Variants in PDE6C observed in about 807,000 individuals in gnomAD.
PDE6C encodes cone cGMP-specific 3',5'-cyclic phosphodiesterase subunit alpha'.
In PDE6C, 75 loss-of-function variants were observed where a neutral mutation model predicts 113.1. The ratio of observed to expected loss-of-function variants is 0.66; its 90% CI spans 0.55 to 0.80. The LOEUF is 0.80. Among genes scored for constraint, PDE6C ranks in the 30% least tolerant of loss-of-function variants. PDE6C has a pLI of 0.00. For synonymous variants in PDE6C, 375 were observed against 363.7 expected (o/e 1.03, Z -0.35); for missense variants, 912 against 1,038.6 (o/e 0.88, Z 1.67).
intron 1 of PDE6C, among the ~76,000 whole-genome samples, chr10:93,618,357 G>A (rs2058429989): frequency 6.6e-6 from 1 of 152,036 alleles, no homozygotes; most frequent in South Asian, 2.1e-4. Context: ...GGCAGTAGAT[G>A]GAAGCATTAC....
At position 93,658,961 on chromosome 10, in the gene PDE6C, A is replaced by G. The variant is rs971174973; in HGVS notation, c.2097A>G (p.Glu699=). The G allele has an allele frequency of 9.3e-6, 15 of 1,613,042 alleles. No homozygotes were observed. Among genetic ancestry groups the G allele is most frequent in the Non-Finnish European group, 1.3e-5 (15 of 1,179,234 alleles). Residue 699 remains glutamate, a synonymous_variant, in exon 17 of 22, where the codon GAA becomes GAG. Coordinates refer to ENST00000371447, the MANE Select transcript of PDE6C (RefSeq NM_006204.4). The part of the protein sequence containing the change: ...DACEQMQTEE[E]AIKYVTVDPT... ...GTGAACAAATGCAAACGGAAGAAGAAGCCATCAAATATGTAACTGTTGATC... is the reference window on the plus strand; with the variant it reads ...GTGAACAAATGCAAACGGAAGAAGAGGCCATCAAATATGTAACTGTTGATC...
chr10:93,617,224 T>C (rs2058424260), intron 1 of PDE6C, among the ~76,000 whole-genome samples: 1 of 152,170 alleles, frequency 6.6e-6, no homozygotes, highest in South Asian at 2.1e-4. Context: ...ACACGCAGGA[T>C]TTATGCAAAG....
At chr10:93,613,386 G>T (rs1019340442) in intron 1 of PDE6C, among the ~76,000 whole-genome samples, 181 bp downstream of exon 1, 3 of 152,148 alleles carry the variant, frequency 2.0e-5, no homozygotes, top group Non-Finnish European at 4.4e-5. Flanking sequence ...ATTTCAAGTT[G>T]CCCAGTTGAA....
chr10:93,658,405 TTGTGA>T (rs1055935776), intron 16 of PDE6C, among the ~76,000 whole-genome samples: 76 of 152,216 alleles, frequency 5.0e-4, no homozygotes, highest in African/African-American at 1.8e-3. Flanking sequence ...GCTATATGTG[TTGTGA>T]TATCTTATCA....
chr10:93,640,495 G>A lies in PDE6C; in HGVS notation c.1675G>A (p.Val559Ile), dbSNP rs777652595. ...CACTGTGAGGAAAGGGTACCGAGCT[G>A]TCACTTACCACAATTGGCGGCATGG... ...MYTVRKGYRA[V>I]TYHNWRHGFN... Residue 559 changes from valine to isoleucine, a missense_variant, in exon 13 of 22, where the codon GTC (valine) becomes ATC (isoleucine). Physicochemically the swap from Val to Ile is conservative, Grantham distance 29. Transcript: ENST00000371447. The A allele has an allele frequency of 1.4e-5, 22 of 1,613,882 alleles. No homozygotes were observed. In the South Asian group the frequency reaches 1.8e-4, roughly 13 times the overall value.
intron 11 of PDE6C, among the ~76,000 whole-genome samples, chr10:93,639,109 A>T (rs2058547267): frequency 6.6e-6 from 1 of 152,190 alleles, no homozygotes; most frequent in Non-Finnish European, 1.5e-5. Flanking sequence ...GTAGGCCCAC[A>T]TAGTTGTTGC....
chr10:93,656,010 C>T (rs2058636504), intron 16 of PDE6C, 150 bp downstream of exon 16: 2 of 693,404 alleles, frequency 2.9e-6, no homozygotes. Context: ...AAAATTTGCT[C>T]TCCTTTTGGA....
intron 15 of PDE6C, among the ~76,000 whole-genome samples, chr10:93,653,232 T>C (rs2058617413): frequency 6.6e-6 from 1 of 152,172 alleles, no homozygotes; most frequent in Non-Finnish European, 1.5e-5. Context: ...ATGACTCCAC[T>C]TACTTTTCCC....
At chr10:93,639,550 A>T (rs923562238) in intron 11 of PDE6C, among the ~76,000 whole-genome samples, 2 of 152,212 alleles carry the variant, frequency 1.3e-5, no homozygotes, top group Non-Finnish European at 2.9e-5. Flanking sequence ...GAGCACCTTC[A>T]TGGGACAGGA....
chr10:93,652,288 A>T (rs914301134), intron 15 of PDE6C, among the ~76,000 whole-genome samples: 1 of 152,204 alleles, frequency 6.6e-6, no homozygotes, highest in Non-Finnish European at 1.5e-5. Flanking sequence ...CTGGAATGGG[A>T]TCTTTTATAT....
intron 15 of PDE6C, among the ~76,000 whole-genome samples, chr10:93,652,906 T>C (rs919515626): frequency 6.6e-6 from 1 of 152,230 alleles, no homozygotes; most frequent in Admixed American, 6.5e-5. Flanking sequence ...AATTCAGCAG[T>C]CTGATTTGCT....
chr10:93,661,858 A>G (rs945324594), intron 18 of PDE6C, among the ~76,000 whole-genome samples: 3 of 152,206 alleles, frequency 2.0e-5, no homozygotes, highest in African/African-American at 2.4e-5. Context: ...AGCCTAGAAC[A>G]CTGAAGTAGG....
At chr10:93,630,645 AC>A (rs984385097) in intron 8 of PDE6C, among the ~76,000 whole-genome samples, 1 of 151,912 alleles carries the variant, frequency 6.6e-6, no homozygotes, top group African/African-American at 2.4e-5. Context: ...CCCGGTGGGT[AC>A]CGTTGGGGTC....
In PDE6C at chr10:93,663,806, A is replaced by G. The variant is rs2058677623; in HGVS notation, c.2518+628A>G. ...TTGTTTTTGGATTCTTAAAATGCTTAGGATTAACTATTAGTTCATCAGATG... is the reference window on the plus strand; with the variant it reads ...TTGTTTTTGGATTCTTAAAATGCTTGGGATTAACTATTAGTTCATCAGATG... On this transcript the variant is annotated intron_variant, in intron 21 of 21. Coordinates refer to ENST00000371447, the MANE Select transcript of PDE6C (RefSeq NM_006204.4). Among the ~76,000 whole-genome samples the G allele has an allele frequency of 2.0e-5, 3 of 152,174 alleles. No individual in the cohort carries two copies. The South Asian group carries it at 6.2e-4, about 32-fold the overall frequency.
At chr10:93,655,325 T>C (rs2133874922) in intron 15 of PDE6C, among the ~76,000 whole-genome samples, 1 of 152,324 alleles carries the variant, frequency 6.6e-6, no homozygotes, top group Non-Finnish European at 1.5e-5. Flanking sequence ...GTGGTTTCTA[T>C]GATCACTCTA....
intron 14 of PDE6C, among the ~76,000 whole-genome samples, chr10:93,644,819 G>C (rs1285952235): frequency 6.9e-6 from 1 of 144,116 alleles, no homozygotes; most frequent in African/African-American, 2.5e-5. Flanking sequence ...TATGTATATA[G>C]TACTATATAT....
intron 7 of PDE6C, 130 bp from the exon 8 acceptor site, chr10:93,629,128 T>C: frequency 2.6e-6 from 2 of 778,700 alleles, no homozygotes; most frequent in Non-Finnish European, 4.6e-6. Context: ...TGAGGTCCAT[T>C]TGCCCGCAAG....
chr10:93,617,143 A>G lies in PDE6C; in HGVS notation c.481-3489A>G, dbSNP rs1182344531. 3.3e-5 allele frequency among the ~76,000 whole-genome samples: 5 copies of G among 152,294 alleles called. 1 individual carries two copies. Among genetic ancestry groups the G allele is most frequent in the African/African-American group, 1.2e-4 (5 of 41,568 alleles). ...CAATACTGACATCTGATGAGGGATC[A>G]GGCCTCCTGTTGCTCTAAACAATGT... On this transcript the variant is annotated intron_variant, in intron 1 of 21. Coordinates refer to ENST00000371447, the MANE Select transcript of PDE6C (RefSeq NM_006204.4).
rs1473725786 is a variant in PDE6C at position 93,622,160 on chromosome 10, AC to A, written c.864+89del. On this transcript the variant is annotated intron_variant, in intron 4 of 21. Transcript: ENST00000371447. ...AATGTGATCCTTAAAAAACAGATAC[AC>A]TATGTAAATAATTAGTCATGATTGA... 1.1e-5 allele frequency: 14 copies of A among 1,262,864 alleles called. No homozygotes were observed. In the African/African-American group the frequency reaches 2.1e-4, roughly 19 times the overall value. 78.2% of individuals were successfully genotyped at this position (1,262,864 alleles called of 1,614,324 possible).
Sources: allele counts gnomAD v4.1 joint callset (sites outside exome capture counted in the v4.1 genomes callset), GRCh38; gene constraint gnomAD v4.1.1; transcripts MANE v1.5; gene names NCBI Gene and HGNC (gene_info 2026-07-23, HGNC 2026-07-21).